RPA3: variants seen among roughly 807,000 people sequenced by gnomAD.
The protein encoded by RPA3 is replication protein A3, also known as replication protein A 14 kDa subunit.
A neutral mutation model predicts 13.7 loss-of-function variants in RPA3; 24 were observed. The observed-to-expected ratio is 1.75, with a 90% confidence interval of 1.27 to 2.46. The LOEUF (loss-of-function observed/expected upper bound fraction) is 2.46, where lower values mean the gene tolerates loss of function less well. RPA3 is among the 30% of genes most tolerant of loss of function. RPA3 has a pLI of 0.00. For missense variants in RPA3, 183 were observed against 151.0 expected (o/e 1.21, Z -1.11); for synonymous variants, 59 against 51.2 (o/e 1.15, Z -0.65).
At chr7:7,678,806 ATT>A (rs1241122825) in intron 4 of RPA3, among the ~76,000 whole-genome samples, 1 of 37,022 alleles carries the variant, frequency 2.7e-5, no homozygotes, top group Non-Finnish European at 4.3e-5. Flanking sequence ...TTATAAATAT[ATT>A]TATATATTTA....
chr7:7,689,557 T>A (rs972343144), intron 2 of RPA3: 2 of 152,198 alleles, frequency 1.3e-5, no homozygotes, highest in African/African-American at 4.8e-5. Context: ...TTGACAGATG[T>A]GCTTATAATG....
chr7:7,688,791 A>G lies in RPA3; in HGVS notation c.-1027-1463T>C, dbSNP rs541829648. Among the ~76,000 whole-genome samples, 7 of 152,344 alleles carry G rather than the reference A, an allele frequency of 4.6e-5. No homozygotes were observed. In the East Asian group the frequency reaches 1.2e-3, roughly 25 times the overall value. ...GCGTATTTTATAAAATTGTAAGCAC[A>G]TGACTATCAAAAAGCTGATCCTCAG... On this transcript the variant is annotated intron_variant, in intron 2 of 7. Coordinates refer to ENST00000223129, the MANE Select transcript of RPA3 (RefSeq NM_002947.5).
At chr7:7,680,568 C>T (rs10246966) in intron 4 of RPA3, among the ~76,000 whole-genome samples, 96,593 of 151,868 alleles carry the variant, frequency 0.64, 31,095 homozygotes, top group East Asian at 0.87. Context: ...TTTTCCATTT[C>T]TGTGAAGAAT....
chr7:7,699,434 A>C (rs1780403787), intron 2 of RPA3, among the ~76,000 whole-genome samples: 1 of 152,172 alleles, frequency 6.6e-6, no homozygotes, highest in African/African-American at 2.4e-5. Context: ...AATTTTGTTT[A>C]GTTTTTACTT....
intron 2 of RPA3, among the ~76,000 whole-genome samples, chr7:7,698,392 TAGA>T (rs951742357): frequency 3.3e-5 from 5 of 152,210 alleles, no homozygotes; most frequent in African/African-American, 1.2e-4. Flanking sequence ...ACCAAACTGG[TAGA>T]AGTTTTGATT....
At chr7:7,677,632 C>G (rs1172634107) in intron 4 of RPA3, among the ~76,000 whole-genome samples, 2 of 150,866 alleles carry the variant, frequency 1.3e-5, no homozygotes, top group Non-Finnish European at 1.5e-5. Context: ...GTATATGTAC[C>G]ACATTTTCTT....
chr7:7,637,019 C>A lies in RPA3; in HGVS notation c.347G>T (p.Gly116Val), dbSNP rs761873197. The stretch of plus-strand genomic sequence containing the variant: ...TCAAGATCAATCATGTTGCACAATC[C>A]CTAAAGGATAAAACTGAGGGAAGTC... ...IHDFPQFYPL[G>V]IVQHD is the part of the protein sequence containing the mutation. The change falls in exon 8 of 8, where the codon GGG becomes GTG. Residue 116 changes from glycine (G) to valine (V), a missense_variant. Gly to Val is a moderately radical substitution (Grantham distance 109). Transcript: ENST00000223129. The A allele has an allele frequency of 1.6e-5, 25 of 1,611,214 alleles. No homozygotes were observed. The highest frequency in any genetic ancestry group is 2.0e-5 in the Non-Finnish European group (24 of 1,178,050).
At chr7:7,657,689 A>T (rs1020827297) in intron 4 of RPA3, among the ~76,000 whole-genome samples, 1 of 151,966 alleles carries the variant, frequency 6.6e-6, no homozygotes, top group African/African-American at 2.4e-5. Flanking sequence ...TTTGGTACCC[A>T]TACCATGCTG....
chr7:7,686,160 TG>T (rs1780037849), intron 3 of RPA3, among the ~76,000 whole-genome samples, 162 bp from the exon 4 acceptor site: 1 of 152,214 alleles, frequency 6.6e-6, no homozygotes, highest in Admixed American at 6.5e-5. Context: ...TTATAAGGTA[TG>T]GTAGAGGAGC....
intron 4 of RPA3, among the ~76,000 whole-genome samples, chr7:7,678,528 A>C (rs889890565): frequency 1.4e-5 from 2 of 140,436 alleles, no homozygotes; most frequent in African/African-American, 5.2e-5. Flanking sequence ...AAATATATTT[A>C]TATACTTAAT....
Position 7,640,456 on chromosome 7 carries a change from G to C in RPA3, c.-38C>G, listed in dbSNP as rs757613659. On this transcript the variant is annotated 5_prime_UTR_variant, in exon 5 of 8. Transcript: ENST00000223129. ...AGACTGCGGCTGGCGGGAAACCCACGGACGACTGAAACTGTGCGCCCCGCG... is the reference window on the plus strand; with the variant it reads ...AGACTGCGGCTGGCGGGAAACCCACCGACGACTGAAACTGTGCGCCCCGCG... The C allele has an allele frequency of 1.9e-6, 3 of 1,594,698 alleles. No homozygotes were observed. Among genetic ancestry groups the C allele is most frequent in the Non-Finnish European group, 1.7e-6 (2 of 1,164,580 alleles).
At position 7,687,226 on chromosome 7, in the gene RPA3, A is replaced by C. The variant is rs1239248140; in HGVS notation, c.-927+2T>G. 1 of 152,192 alleles carries C rather than the reference A, an allele frequency of 6.6e-6. No individual in the cohort carries two copies. Among genetic ancestry groups the C allele is most frequent in the Non-Finnish European group, 1.5e-5 (1 of 68,030 alleles). The allele number at this position is 152,192 out of a possible 1,614,324, so 9.4% of individuals were successfully genotyped here. A position where few individuals can be genotyped will look rare whatever the true frequency, so the allele number is the denominator to read the frequency against. ...CTGTGTGATTTTGAGCAGGCTACTT[A>C]CCATTTCAGCCTCATTTTCCTTTTG... On this transcript the variant is annotated splice_donor_variant, in intron 3 of 7. Coordinates refer to ENST00000223129, the MANE Select transcript of RPA3 (RefSeq NM_002947.5). LOFTEE classifies it low-confidence loss of function (5UTR_SPLICE).
At chr7:7,677,619 T>G (rs1424003605) in intron 4 of RPA3, among the ~76,000 whole-genome samples, 2 of 152,054 alleles carry the variant, frequency 1.3e-5, no homozygotes, top group African/African-American at 4.8e-5. Flanking sequence ...AGTATTCCAT[T>G]GTGTATATGT....
chr7:7,712,401 AT>A (rs1298507753), intron 2 of RPA3, among the ~76,000 whole-genome samples: 1 of 152,112 alleles, frequency 6.6e-6, no homozygotes, highest in African/African-American at 2.4e-5. Context: ...ATTGCCATGC[AT>A]TTTTCATAAA....
At chr7:7,682,808 C>G (rs1779945598) in intron 4 of RPA3, among the ~76,000 whole-genome samples, 1 of 152,156 alleles carries the variant, frequency 6.6e-6, no homozygotes, top group Non-Finnish European at 1.5e-5. Context: ...TTACTTTTGA[C>G]CTTTAAATTG....
chr7:7,657,669 A>G (rs1785375448), intron 4 of RPA3, among the ~76,000 whole-genome samples: 2 of 151,920 alleles, frequency 1.3e-5, no homozygotes, highest in Admixed American at 1.3e-4. Context: ...CCATTGGTGT[A>G]TATCTCTGTT....
intron 4 of RPA3, among the ~76,000 whole-genome samples, chr7:7,684,418 A>C (rs761077643): frequency 8.6e-5 from 13 of 151,860 alleles, no homozygotes; most frequent in Non-Finnish European, 1.8e-4. Flanking sequence ...CATGTTGGCC[A>C]GGCTGGTCTT....
intron 4 of RPA3, among the ~76,000 whole-genome samples, chr7:7,671,043 A>G (rs953586022): frequency 4.6e-5 from 7 of 152,196 alleles, no homozygotes; most frequent in Non-Finnish European, 2.9e-5. Context: ...TTGGGGGCTG[A>G]ACAGTTTTCT....
At chr7:7,646,549 C>T (rs556061222) in intron 4 of RPA3, among the ~76,000 whole-genome samples, 72 of 147,482 alleles carry the variant, frequency 4.9e-4, no homozygotes, top group Non-Finnish European at 7.3e-4. Flanking sequence ...TTTTGCTTTC[C>T]GCCATGATTG....
Sources: allele counts gnomAD v4.1 joint callset (sites outside exome capture counted in the v4.1 genomes callset), GRCh38; gene constraint gnomAD v4.1.1; transcripts MANE v1.5; gene names NCBI Gene and HGNC (gene_info 2026-07-23, HGNC 2026-07-21).